Variants in MARCHF3 observed in about 807,000 individuals in gnomAD.
The protein encoded by MARCHF3 is E3 ubiquitin-protein ligase MARCHF3.
Under a neutral mutation model 24.2 loss-of-function variants are expected in MARCHF3, and 13 were observed. The ratio of observed to expected loss-of-function variants is 0.54; its 90% CI spans 0.35 to 0.85. The LOEUF is 0.85. MARCHF3 is among the 40% of genes least tolerant of loss of function. The pLI is 0.01. For synonymous variants in MARCHF3, 144 were observed against 137.3 expected, an observed-to-expected ratio of 1.05 and a Z score of -0.34; for missense variants, 276 against 325.0, an observed-to-expected ratio of 0.85 and a Z score of 1.16.
intron 1 of MARCHF3, among the ~76,000 whole-genome samples, chr5:127,010,843 G>T (rs1752448095): frequency 6.6e-6 from 1 of 152,108 alleles, no homozygotes; most frequent in South Asian, 2.1e-4. Flanking sequence ...CCACCAAAAT[G>T]AGGTAGAGTA....
intron 4 of MARCHF3, among the ~76,000 whole-genome samples, chr5:126,871,271 T>C (rs73335426): frequency 0.084 from 12,766 of 152,210 alleles, 1,159 homozygotes; most frequent in African/African-American, 0.23. Context: ...TACTATGATA[T>C]GAAGGACACC....
chr5:126,941,368 G>A (rs1288146988), intron 1 of MARCHF3, among the ~76,000 whole-genome samples: 2 of 152,052 alleles, frequency 1.3e-5, no homozygotes, highest in Non-Finnish European at 2.9e-5. Context: ...AGAAGTTCAA[G>A]CCTATTTTTT....
intron 1 of MARCHF3, among the ~76,000 whole-genome samples, chr5:126,969,247 T>C (rs1750915760): frequency 1.3e-5 from 2 of 152,212 alleles, no homozygotes; most frequent in African/African-American, 2.4e-5. Context: ...GAAAAAGGTA[T>C]GAGCTTTGAT....
chr5:126,931,168 G>A (rs1185263654), intron 1 of MARCHF3, among the ~76,000 whole-genome samples: 1 of 152,192 alleles, frequency 6.6e-6, no homozygotes, highest in Admixed American at 6.5e-5. Flanking sequence ...GCTCTAAGAA[G>A]GAGGGGAATG....
chr5:126,993,987 T>C (rs1173354325), intron 1 of MARCHF3, among the ~76,000 whole-genome samples: 2 of 152,228 alleles, frequency 1.3e-5, no homozygotes, highest in African/African-American at 4.8e-5. Flanking sequence ...CATACACCTG[T>C]CATTCTACCT....
intron 3 of MARCHF3, among the ~76,000 whole-genome samples, chr5:126,901,933 C>G (rs989368692): frequency 6.6e-6 from 1 of 152,098 alleles, no homozygotes; most frequent in Non-Finnish European, 1.5e-5. Flanking sequence ...GCCAGCAGCC[C>G]AAGACACCTT....
chr5:127,005,512 C>T (rs1289960870), intron 1 of MARCHF3, among the ~76,000 whole-genome samples: 1 of 152,118 alleles, frequency 6.6e-6, no homozygotes, highest in African/African-American at 2.4e-5. Flanking sequence ...AGGGCATTCA[C>T]ATCCTCATCC....
intron 1 of MARCHF3, among the ~76,000 whole-genome samples, chr5:126,994,753 C>T (rs1209339977): frequency 6.6e-6 from 1 of 152,036 alleles, no homozygotes; most frequent in South Asian, 2.1e-4. Flanking sequence ...AAGGTGAAGT[C>T]CCATGATAGG....
intron 1 of MARCHF3, among the ~76,000 whole-genome samples, chr5:127,020,257 T>C (rs762547565): frequency 5.5e-4 from 83 of 152,122 alleles, no homozygotes; most frequent in Admixed American, 9.8e-4. Context: ...AGAGATCACA[T>C]AGGAGTATCA....
At chr5:126,870,907 G>A (rs1345015008) in intron 4 of MARCHF3, 116 bp from the exon 5 acceptor site, 2 of 1,391,262 alleles carry the variant, frequency 1.4e-6, no homozygotes, top group South Asian at 1.4e-5. Flanking sequence ...AAGCACTATG[G>A]CAGGGCAAGA....
At chr5:126,979,109 G>A (rs191204887) in intron 1 of MARCHF3, among the ~76,000 whole-genome samples, 4 of 152,322 alleles carry the variant, frequency 2.6e-5, no homozygotes, top group Admixed American at 2.6e-4. Context: ...ATATGATGTT[G>A]TAATAACCTG....
intron 2 of MARCHF3, among the ~76,000 whole-genome samples, chr5:126,916,324 C>T (rs1290534659): frequency 1.3e-5 from 2 of 152,168 alleles, no homozygotes. Flanking sequence ...ACCTGCCCTC[C>T]CTTGCCTCTC....
chr5:127,021,198 A>AC (rs1019819644), intron 1 of MARCHF3, among the ~76,000 whole-genome samples: 3 of 151,664 alleles, frequency 2.0e-5, no homozygotes, highest in African/African-American at 4.9e-5. Context: ...TTTAATACCC[A>AC]CCCCCCACCA....
intron 1 of MARCHF3, among the ~76,000 whole-genome samples, chr5:126,942,619 T>C (rs191185115): frequency 6.6e-6 from 1 of 152,364 alleles, no homozygotes; most frequent in East Asian, 1.9e-4. Context: ...AAGCCATTCA[T>C]ATTAGATGTT....
At chr5:126,903,202 C>T (rs1043344222) in intron 3 of MARCHF3, among the ~76,000 whole-genome samples, 1 of 151,900 alleles carries the variant, frequency 6.6e-6, no homozygotes, top group South Asian at 2.1e-4. Context: ...GAGAAGTCAC[C>T]CAGTCCTGGA....
At chr5:126,908,526 A>G (rs1273782194) in intron 3 of MARCHF3, among the ~76,000 whole-genome samples, 1 of 151,984 alleles carries the variant, frequency 6.6e-6, no homozygotes, top group African/African-American at 2.4e-5. Flanking sequence ...GTTTCTTTTT[A>G]TTCTTTTTTC....
At position 126,940,937 on chromosome 5, in the gene MARCHF3, G is replaced by A. The variant is rs1749806822; in HGVS notation, c.-56-22710C>T. On this transcript the variant is annotated intron_variant, in intron 1 of 4. Coordinates refer to ENST00000308660, the MANE Select transcript of MARCHF3 (RefSeq NM_178450.5). ...ATCCCCTCAAGCATTTATCTTTTGT[G>A]TTATAAACAACCCACTTATACTTTT... 2.0e-5 allele frequency among the ~76,000 whole-genome samples: 3 copies of A among 152,032 alleles called. 1 individual carries two copies. The South Asian group carries it at 6.2e-4, about 32-fold the overall frequency.
rs1160286029 is a variant in MARCHF3 at position 126,870,919 on chromosome 5, C to T, written c.604-128G>A. On this transcript the variant is annotated intron_variant, in intron 4 of 4. Coordinates refer to ENST00000308660, the MANE Select transcript of MARCHF3 (RefSeq NM_178450.5). ...TGGAAGCACTATGGCAGGGCAAGAA[C>T]CCTGGGAAAATGGCTCTGGCACGCA... 1.6e-5 allele frequency: 21 copies of T among 1,316,426 alleles called. No homozygotes were observed. In the East Asian group the frequency reaches 4.5e-4, roughly 28 times the overall value. 81.5% of individuals were successfully genotyped at this position (1,316,426 alleles called of 1,614,324 possible).
rs1388087784 is a variant in MARCHF3, at chr5:126,898,253, TG to T, written c.393+16676del. Among the ~76,000 whole-genome samples the T allele has an allele frequency of 1.1e-4, 17 of 152,116 alleles. 1 individual carries two copies. The highest frequency in any genetic ancestry group is 3.6e-4 in the African/African-American group (15 of 41,408). On this transcript the variant is annotated intron_variant, in intron 3 of 4. Coordinates refer to ENST00000308660, the MANE Select transcript of MARCHF3 (RefSeq NM_178450.5). ...TAAAGCTGTTCAAAAAATCTGAGAC[TG>T]GAAGACCCTTTAGTTAAGAAAAATC...
Sources: gnomAD v4.1 joint callset for allele counts (sites outside exome capture counted in the v4.1 genomes callset) on GRCh38, gnomAD v4.1.1 for gene constraint, MANE v1.5 for transcripts, NCBI Gene and HGNC (gene_info 2026-07-23, HGNC 2026-07-21) for gene names.